The following IQGAP1 variants were observed in gnomAD, a reference collection of about 807,000 sequenced individuals.
IQGAP1 encodes ras GTPase-activating-like protein IQGAP1.
IQGAP1 carries 66 observed loss-of-function variants against 215.6 expected under a neutral mutation model. The observed-to-expected ratio is 0.31, with a 90% CI of 0.25 to 0.38. The LOEUF is 0.38. IQGAP1 is among the 10% of genes least tolerant of loss of function. The pLI, the probability that IQGAP1 is intolerant of heterozygous loss-of-function variation, is 1.00. For synonymous variants in IQGAP1, 772 were observed against 728.7 expected, an observed-to-expected ratio of 1.06 and a Z score of -0.96; for missense variants, 1,712 against 1,997.1, an observed-to-expected ratio of 0.86 and a Z score of 2.72.
At chr15:90,490,668 TA>T (rs1966190754) in intron 33 of IQGAP1, among the ~76,000 whole-genome samples, 3 of 152,116 alleles carry the variant, frequency 2.0e-5, no homozygotes, top group Admixed American at 1.3e-4. Context: ...ATGTTTTTAA[TA>T]AAATTAAATG....
chr15:90,409,000 G>A (rs2589948), intron 2 of IQGAP1, among the ~76,000 whole-genome samples: 29,350 of 151,872 alleles, frequency 0.19, 3,526 homozygotes, highest in East Asian at 0.46. Flanking sequence ...TGGGAAAAAC[G>A]TATTTTTCTC....
chr15:90,498,895 C>T (rs1438951784), intron 37 of IQGAP1, among the ~76,000 whole-genome samples: 5 of 151,990 alleles, frequency 3.3e-5, no homozygotes, highest in East Asian at 1.9e-4. Context: ...CTGCAACCTC[C>T]GCCTCCTGGG....
chr15:90,449,996 G>A (rs1398571869), intron 11 of IQGAP1, among the ~76,000 whole-genome samples: 2 of 152,142 alleles, frequency 1.3e-5, no homozygotes, highest in Non-Finnish European at 2.9e-5. Context: ...TTTATCTTTT[G>A]TTGATGTTGG....
rs939210913 is a variant in IQGAP1 at position 90,500,983 on chromosome 15, G to A, written c.*875G>A. 7.2e-5 allele frequency: 11 copies of A among 152,622 alleles called. No homozygotes were observed. Among genetic ancestry groups the A allele is most frequent in the Admixed American group, 6.5e-5 (1 of 15,280 alleles). 9.5% of individuals were successfully genotyped at this position (152,622 alleles called of 1,614,324 possible). A position where few individuals can be genotyped will look rare whatever the true frequency, so the allele number is the denominator to read the frequency against. ...TTTAAAACTGTTTTATATCTTAAGA[G>A]TGCCTTATTAAAGTATAGATGTATG... On this transcript the variant is annotated 3_prime_UTR_variant, in exon 38 of 38. Coordinates refer to ENST00000268182, the MANE Select transcript of IQGAP1 (RefSeq NM_003870.4).
rs763945414 is a variant in IQGAP1, at chr15:90,474,480, G to T, written c.2576-5G>T. 4 of 1,611,284 alleles carry T rather than the reference G, an allele frequency of 2.5e-6. No homozygotes were observed. Among genetic ancestry groups the T allele is most frequent in the Middle Eastern group, 1.7e-4 (1 of 6,054 alleles). ...CTCCATTCTTTGATGCATACTTTCTGTCAGTCAATGCTGAGGATCCTCCTA... is the reference window on the plus strand; with the variant it reads ...CTCCATTCTTTGATGCATACTTTCTTTCAGTCAATGCTGAGGATCCTCCTA... On this transcript the variant is annotated splice_polypyrimidine_tract_variant and splice_region_variant and intron_variant, in intron 22 of 37. Coordinates refer to ENST00000268182, the MANE Select transcript of IQGAP1 (RefSeq NM_003870.4).
intron 2 of IQGAP1, among the ~76,000 whole-genome samples, chr15:90,405,182 A>G (rs1294826617): frequency 1.3e-5 from 2 of 152,132 alleles, no homozygotes; most frequent in African/African-American, 4.8e-5. Flanking sequence ...GTCTTAGGAA[A>G]TGTGCTCTGG....
At chr15:90,488,252 A>ATAAATAAG (rs997063749) in intron 33 of IQGAP1, among the ~76,000 whole-genome samples, 4 of 151,626 alleles carry the variant, frequency 2.6e-5, no homozygotes, top group African/African-American at 4.8e-5. Flanking sequence ...AAATAAATAA[A>ATAAATAAG]TAAATAAATA....
chr15:90,491,466 C>A lies in IQGAP1; in HGVS notation c.4382C>A (p.Thr1461Lys), dbSNP rs1190032068. Residue 1461 changes from threonine (T) to lysine (K), a missense_variant, in exon 34 of 38, where the codon ACA becomes AAA. Thr to Lys is a moderately conservative substitution (Grantham distance 78, BLOSUM62 -1). This residue lies in a region of IQGAP1 where 691 missense variants were observed against 923.0 expected (regional missense o/e 0.75). Transcript: ENST00000268182. ...CAAGAGAAGAAAGAGAAGATCCAGA[C>A]AGGTTTAAAGAAGCTAACAGAGCTT... ...TLQEKKEKIQ[T>K]GLKKLTELGT... is the part of the protein sequence containing the mutation. 69 of 1,614,004 alleles carry A rather than the reference C, an allele frequency of 4.3e-5. No individual in the cohort carries two copies. Among genetic ancestry groups the A allele is most frequent in the Non-Finnish European group, 5.8e-5 (68 of 1,180,006 alleles).
At chr15:90,461,577 G>T (rs939186604) in intron 15 of IQGAP1, among the ~76,000 whole-genome samples, 2 of 152,168 alleles carry the variant, frequency 1.3e-5, no homozygotes, top group Middle Eastern at 3.4e-3. Flanking sequence ...GGTGGCTTAC[G>T]CCTATAATCC....
chr15:90,446,496 A>C (rs1440790146), intron 9 of IQGAP1, among the ~76,000 whole-genome samples: 1 of 152,184 alleles, frequency 6.6e-6, no homozygotes, highest in African/African-American at 2.4e-5. Flanking sequence ...TCTGCTTAGA[A>C]GTTTGAGCAG....
chr15:90,431,818 C>T (rs1010726285), intron 4 of IQGAP1, among the ~76,000 whole-genome samples: 1 of 152,176 alleles, frequency 6.6e-6, no homozygotes, highest in Non-Finnish European at 1.5e-5. Context: ...CTTTTCTAAT[C>T]TCTTTATATG....
chr15:90,425,982 G>T (rs1965215614), intron 2 of IQGAP1, 128 bp from the exon 3 acceptor site: 2 of 836,928 alleles, frequency 2.4e-6, no homozygotes, highest in Non-Finnish European at 3.5e-6. Context: ...GTGTGGAACT[G>T]ATTGTAAAAG....
In IQGAP1 at chr15:90,491,497, C is replaced by T. The variant is rs1347352607; in HGVS notation, c.4413C>T (p.Thr1471=). ...TAAAGAAGCTAACAGAGCTTGGAAC[C>T]GTGGACCCAAAGAACAAATACCAGG... The part of the protein sequence containing the change: ...TGLKKLTELG[T]VDPKNKYQEL... Residue 1471 remains threonine, a synonymous_variant, in exon 34 of 38, where the codon ACC becomes ACT. Coordinates refer to ENST00000268182, the MANE Select transcript of IQGAP1 (RefSeq NM_003870.4). 6.2e-6 allele frequency: 10 copies of T among 1,614,006 alleles called. No homozygotes were observed. The East Asian group carries it at 8.9e-5, about 14-fold the overall frequency.
At chr15:90,441,880 T>C (rs1009443392) in intron 8 of IQGAP1, among the ~76,000 whole-genome samples, 196 bp downstream of exon 8, 1 of 152,144 alleles carries the variant, frequency 6.6e-6, no homozygotes, top group African/African-American at 2.4e-5. Context: ...CTTAGTGCAC[T>C]TTTGCAATTA....
chr15:90,402,663 A>C (rs1727656694), intron 2 of IQGAP1, among the ~76,000 whole-genome samples: 1 of 152,212 alleles, frequency 6.6e-6, no homozygotes, highest in South Asian at 2.1e-4. Context: ...ATTATTGATG[A>C]GCAACATAAG....
rs935493708 is a variant in IQGAP1 at position 90,502,145 on chromosome 15, A to G, written c.*2037A>G. 6.6e-6 allele frequency: 1 copy of G among 152,642 alleles called. No individual in the cohort carries two copies. The highest frequency in any genetic ancestry group is 1.5e-5 in the Non-Finnish European group (1 of 68,046). The allele number at this position is 152,642 out of a possible 1,614,324, so 9.5% of individuals were successfully genotyped here. ...CCAGCCATCATGACATTTACCATGA[A>G]TTTACTTCCTCCCAAGAGTTTGGAC... On this transcript the variant is annotated 3_prime_UTR_variant, in exon 38 of 38. Transcript: ENST00000268182.
At position 90,429,669 on chromosome 15, in the gene IQGAP1, A is replaced by G. The variant is rs377672756; in HGVS notation, c.390+3A>G. 1.9e-6 allele frequency: 3 copies of G among 1,584,726 alleles called. No individual in the cohort carries two copies. The highest frequency in any genetic ancestry group is 2.3e-5 in the East Asian group (1 of 44,290). On this transcript the variant is annotated splice_donor_region_variant and intron_variant, in intron 4 of 37. Coordinates refer to ENST00000268182, the MANE Select transcript of IQGAP1 (RefSeq NM_003870.4). ...TGGATGAGATTGGATTGCCTAAGGTAACTTACCTGAGATAATAGTTTAGGC... is the reference window on the plus strand; with the variant it reads ...TGGATGAGATTGGATTGCCTAAGGTGACTTACCTGAGATAATAGTTTAGGC...
At chr15:90,423,313 A>G (rs1293953678) in intron 2 of IQGAP1, among the ~76,000 whole-genome samples, 6 of 152,184 alleles carry the variant, frequency 3.9e-5, no homozygotes, top group African/African-American at 1.4e-4. Context: ...AACTCACTGC[A>G]GCTTCTACCT....
chr15:90,421,135 T>G (rs1454532761), intron 2 of IQGAP1, among the ~76,000 whole-genome samples: 1 of 151,944 alleles, frequency 6.6e-6, no homozygotes, highest in Non-Finnish European at 1.5e-5. Context: ...AGACTCCATC[T>G]CAAAGAAAAA....
Sources: gnomAD v4.1 joint callset for allele counts (sites outside exome capture counted in the v4.1 genomes callset) on GRCh38, gnomAD v4.1.1 for gene constraint, gnomAD v4.1.1 regional missense constraint, MANE v1.5 for transcripts, NCBI Gene and HGNC (gene_info 2026-07-23, HGNC 2026-07-21) for gene names.